Variants in ST6GAL1 observed in about 807,000 individuals in gnomAD.
ST6GAL1 encodes the protein ST6 beta-galactoside alpha-2,6-sialyltransferase 1, also known as beta-galactoside alpha-2,6-sialyltransferase 1.
Under a neutral mutation model 38.0 loss-of-function variants are expected in ST6GAL1, and 20 were observed. That is an observed-to-expected ratio of 0.53 (90% CI 0.37 to 0.77). The LOEUF (loss-of-function observed/expected upper bound fraction) is 0.77, where lower values mean the gene tolerates loss of function less well. ST6GAL1 is among the 30% of genes least tolerant of loss of function. ST6GAL1 has a pLI of 0.00. For missense variants in ST6GAL1, 432 were observed against 496.4 expected (o/e 0.87, Z 1.23); for synonymous variants, 196 against 188.2 (o/e 1.04, Z -0.34).
intron 5 of ST6GAL1, among the ~76,000 whole-genome samples, chr3:187,052,543 C>T (rs777488231): frequency 1.5e-4 from 23 of 152,078 alleles, no homozygotes; most frequent in African/African-American, 4.6e-4. Context: ...TGAGAACATG[C>T]GGTGTTTGGT....
intron 5 of ST6GAL1, among the ~76,000 whole-genome samples, chr3:187,069,132 CTTCTTTT>C (rs981490932): frequency 4.6e-5 from 7 of 151,534 alleles, no homozygotes; most frequent in African/African-American, 1.5e-4. Flanking sequence ...CCTTGAACTT[CTTCTTTT>C]TTTTTTTTTT....
At chr3:186,937,610 A>G (rs879719774) in intron 1 of ST6GAL1, among the ~76,000 whole-genome samples, 1 of 151,162 alleles carries the variant, frequency 6.6e-6, no homozygotes, top group Non-Finnish European at 1.5e-5. Context: ...AGAAGCTCAT[A>G]GTTCAAAGGA....
chr3:186,966,804 C>T (rs1051198127), intron 2 of ST6GAL1, among the ~76,000 whole-genome samples: 6 of 152,174 alleles, frequency 3.9e-5, no homozygotes, highest in African/African-American at 1.2e-4. Context: ...AAGCAACAGG[C>T]GTGTCAGTCC....
At chr3:187,054,360 G>GT (rs1718617862) in intron 5 of ST6GAL1, among the ~76,000 whole-genome samples, 1 of 152,164 alleles carries the variant, frequency 6.6e-6, no homozygotes, top group African/African-American at 2.4e-5. Context: ...GTAAGAGAGG[G>GT]CATCCCTGTC....
At chr3:186,956,745 T>G (rs753210330) in intron 1 of ST6GAL1, among the ~76,000 whole-genome samples, 4 of 152,192 alleles carry the variant, frequency 2.6e-5, no homozygotes, top group Non-Finnish European at 5.9e-5. Flanking sequence ...TCCCGTAAGA[T>G]CCACCAGTTC....
At chr3:187,057,896 C>A (rs6803079) in intron 5 of ST6GAL1, among the ~76,000 whole-genome samples, 13,209 of 152,244 alleles carry the variant, frequency 0.087, 1,929 homozygotes, top group African/African-American at 0.3. Flanking sequence ...GCCCTGCCCC[C>A]AGAGGTGGAG....
intron 1 of ST6GAL1, among the ~76,000 whole-genome samples, chr3:186,935,438 G>C (rs1713916487): frequency 6.6e-6 from 1 of 152,072 alleles, no homozygotes. Context: ...GATCTTTGCT[G>C]TTGTGAATAG....
chr3:187,044,696 G>T lies in ST6GAL1; in HGVS notation c.607+1386G>T, dbSNP rs113416692. Among the ~76,000 whole-genome samples, 351 of 152,224 alleles carry T rather than the reference G, an allele frequency of 2.3e-3. 2 individuals carry two copies. Among genetic ancestry groups the T allele is most frequent in the South Asian group, 0.019 (90 of 4,826 alleles). Reference sequence around the variant, plus strand: ...CTTCTTCATGTCAAGTTAATATTGCGTGCCTGGCTGAAATTGTACTGAAGT... The same window carrying T: ...CTTCTTCATGTCAAGTTAATATTGCTTGCCTGGCTGAAATTGTACTGAAGT... On this transcript the variant is annotated intron_variant, in intron 4 of 7. Coordinates refer to ENST00000169298, the MANE Select transcript of ST6GAL1 (RefSeq NM_173216.2).
At chr3:186,985,793 A>G (rs1440789396) in intron 2 of ST6GAL1, among the ~76,000 whole-genome samples, 1 of 151,756 alleles carries the variant, frequency 6.6e-6, no homozygotes, top group African/African-American at 2.4e-5. Flanking sequence ...AAAAAGAAAA[A>G]AGAAAAAGAA....
chr3:187,058,853 A>G (rs1384212712), intron 5 of ST6GAL1, among the ~76,000 whole-genome samples: 1 of 152,024 alleles, frequency 6.6e-6, no homozygotes, highest in East Asian at 1.9e-4. Context: ...TGTTGGCCCA[A>G]CTGGTCTTGA....
At chr3:186,935,232 T>G (rs1226530181) in intron 1 of ST6GAL1, among the ~76,000 whole-genome samples, 7 of 152,114 alleles carry the variant, frequency 4.6e-5, no homozygotes, top group Non-Finnish European at 7.4e-5. Context: ...ATTATTTAGC[T>G]CCCACTTATA....
At chr3:186,986,408 A>C (rs529219487) in intron 2 of ST6GAL1, 1 of 152,702 alleles carries the variant, frequency 6.5e-6, no homozygotes, top group East Asian at 1.9e-4. Context: ...ATACAGTATT[A>C]AATACTATAG....
At chr3:187,055,729 T>G (rs912080706) in intron 5 of ST6GAL1, among the ~76,000 whole-genome samples, 1 of 152,198 alleles carries the variant, frequency 6.6e-6, no homozygotes. Context: ...CTTCCAACTA[T>G]GTGGTCAGTT....
chr3:187,010,964 G>C (rs948113741), intron 2 of ST6GAL1, among the ~76,000 whole-genome samples: 1 of 151,950 alleles, frequency 6.6e-6, no homozygotes, highest in Non-Finnish European at 1.5e-5. Context: ...CCCCTTCTTC[G>C]GGGCCGAGAG....
chr3:187,014,081 A>G (rs1717046030), intron 2 of ST6GAL1, among the ~76,000 whole-genome samples: 1 of 152,100 alleles, frequency 6.6e-6, no homozygotes, highest in African/African-American at 2.4e-5. Context: ...GCCAGCTCTC[A>G]TTTATTAAGC....
At chr3:187,013,123 A>C (rs1230921010) in intron 2 of ST6GAL1, among the ~76,000 whole-genome samples, 3 of 152,230 alleles carry the variant, frequency 2.0e-5, no homozygotes, top group African/African-American at 7.2e-5. Flanking sequence ...TAGCGTCTTA[A>C]GTGTTTCTTG....
At chr3:187,053,980 A>G (rs1184651431) in intron 5 of ST6GAL1, among the ~76,000 whole-genome samples, 1 of 152,140 alleles carries the variant, frequency 6.6e-6, no homozygotes, top group Non-Finnish European at 1.5e-5. Context: ...TTTGTTGAGC[A>G]GTGGTTTGTA....
intron 1 of ST6GAL1, among the ~76,000 whole-genome samples, chr3:186,944,850 A>T (rs186171099): frequency 2.0e-5 from 3 of 152,206 alleles, no homozygotes; most frequent in African/African-American, 4.8e-5. Flanking sequence ...AGTCACATAG[A>T]TAGACACACC....
intron 2 of ST6GAL1, among the ~76,000 whole-genome samples, chr3:187,000,617 G>A (rs1479113886): frequency 6.6e-6 from 1 of 152,170 alleles, no homozygotes; most frequent in Non-Finnish European, 1.5e-5. Context: ...TATAGTGCAT[G>A]TCTTTTGTTA....
Sources: gnomAD v4.1 joint callset for allele counts (sites outside exome capture counted in the v4.1 genomes callset) on GRCh38, gnomAD v4.1.1 for gene constraint, MANE v1.5 for transcripts, NCBI Gene and HGNC (gene_info 2026-07-23, HGNC 2026-07-21) for gene names.